Variants in MAPKAPK2 observed in about 807,000 individuals in gnomAD.
MAPKAPK2 encodes MAPK activated protein kinase 2.
A neutral mutation model predicts 48.8 loss-of-function variants in MAPKAPK2; 9 were observed. The observed-to-expected ratio is 0.18, with a 90% CI of 0.11 to 0.32. The LOEUF (loss-of-function observed/expected upper bound fraction) is 0.32. Ranked by LOEUF, MAPKAPK2 falls within the 10% of genes least tolerant of loss-of-function variation. The probability of loss-of-function intolerance (pLI) is 1.00; values close to 1 mark genes in which losing one functional copy is unlikely to be tolerated. For synonymous variants in MAPKAPK2, 202 were observed against 190.6 expected (o/e 1.06, Z -0.49); for missense variants, 331 against 498.3 (o/e 0.66, Z 3.20).
Position 206,732,834 on chromosome 1 carries a change from G to A in MAPKAPK2, c.*116G>A. 1 of 1,245,924 alleles carries A rather than the reference G, an allele frequency of 8.0e-7. No individual in the cohort carries two copies. Among genetic ancestry groups the A allele is most frequent in the Non-Finnish European group, 1.1e-6 (1 of 898,118 alleles). The allele number at this position is 1,245,924 out of a possible 1,614,324, so 77.2% of individuals were successfully genotyped here. A position where few individuals can be genotyped will look rare whatever the true frequency, so the allele number is the denominator to read the frequency against. On this transcript the variant is annotated 3_prime_UTR_variant, in exon 10 of 10. Transcript: ENST00000367103. This position sits in a 1 kb window ranked among gnomAD's most constrained non-coding sequence, Gnocchi z 4.4. ...GCCTCCTCTCCTCCTCAGCTGCATG[G>A]AGCCTGGAACTGCATCAGTGACTGA...
intron 1 of MAPKAPK2, among the ~76,000 whole-genome samples, chr1:206,722,377 C>CAA (rs528210438): frequency 4.0e-5 from 6 of 150,124 alleles, no homozygotes; most frequent in Admixed American, 4.0e-4. Context: ...AAAACAAAAA[C>CAA]AAAAAAAAAC....
chr1:206,715,078 T>C (rs1468416846), intron 1 of MAPKAPK2, among the ~76,000 whole-genome samples: 1 of 152,122 alleles, frequency 6.6e-6, no homozygotes, highest in Non-Finnish European at 1.5e-5. Context: ...TGATTGTAAG[T>C]TGGTTTATGG....
At chr1:206,730,357 A>G (rs1423638774) in intron 5 of MAPKAPK2, among the ~76,000 whole-genome samples, 2 of 152,216 alleles carry the variant, frequency 1.3e-5, no homozygotes, top group Admixed American at 6.5e-5. Context: ...GTCTGGACCC[A>G]GGTCTTGTTC....
intron 1 of MAPKAPK2, among the ~76,000 whole-genome samples, chr1:206,702,837 A>G (rs72755073): frequency 3.4e-4 from 51 of 152,102 alleles, no homozygotes; most frequent in Non-Finnish European, 5.6e-4. Context: ...TGGATCTTAC[A>G]TTTGCTTATC....
intron 1 of MAPKAPK2, among the ~76,000 whole-genome samples, chr1:206,697,999 G>T (rs139183504): frequency 6.6e-6 from 1 of 152,386 alleles, no homozygotes; most frequent in Non-Finnish European, 1.5e-5. Flanking sequence ...CACTGTTGTT[G>T]CATCCGCACT....
intron 1 of MAPKAPK2, among the ~76,000 whole-genome samples, chr1:206,686,411 A>G (rs1672290195): frequency 6.6e-6 from 1 of 152,240 alleles, no homozygotes; most frequent in Admixed American, 6.5e-5. Flanking sequence ...AAGTGAGAAT[A>G]TCGACTTCAG....
At chr1:206,725,217 A>G (rs1274225146) in intron 1 of MAPKAPK2, among the ~76,000 whole-genome samples, 1 of 152,224 alleles carries the variant, frequency 6.6e-6, no homozygotes, top group African/African-American at 2.4e-5. Flanking sequence ...CAGGGCAGAA[A>G]GTGCGGAAGT....
intron 1 of MAPKAPK2, among the ~76,000 whole-genome samples, chr1:206,698,593 A>G (rs1553427410): frequency 6.6e-6 from 1 of 152,226 alleles, no homozygotes; most frequent in East Asian, 1.9e-4. Flanking sequence ...GATTAATAAC[A>G]AGTCTTTATT....
intron 1 of MAPKAPK2, among the ~76,000 whole-genome samples, chr1:206,727,747 G>A (rs1156565636): frequency 6.6e-6 from 1 of 152,020 alleles, no homozygotes; most frequent in African/African-American, 2.4e-5. Flanking sequence ...TCAGCCTCCT[G>A]AGTAGCTGGG....
chr1:206,726,894 C>A (rs1331682383), intron 1 of MAPKAPK2, among the ~76,000 whole-genome samples: 1 of 152,212 alleles, frequency 6.6e-6, no homozygotes, highest in African/African-American at 2.4e-5. Flanking sequence ...CCATCATGGC[C>A]ATCTGATCTT....
rs58379967 is a variant in MAPKAPK2 at position 206,712,962 on chromosome 1, TCACACACA to T, written c.280-15712_280-15705del. ...GCCTGGGCGACAGAATGAGACTCCA[TCACACACA>T]CACACACACACACACACACACACAC... On this transcript the variant is annotated intron_variant, in intron 1 of 9. Coordinates refer to ENST00000367103, the MANE Select transcript of MAPKAPK2 (RefSeq NM_032960.4). Among the ~76,000 whole-genome samples, 87 of 112,300 alleles carry T rather than the reference TCACACACA, an allele frequency of 7.7e-4. 1 individual carries two copies. Among genetic ancestry groups the T allele is most frequent in the South Asian group, 7.3e-3 (22 of 2,994 alleles). The allele number at this position is 112,300 out of a possible 152,430, so 73.7% of individuals were successfully genotyped here. A position where few individuals can be genotyped will look rare whatever the true frequency, so the allele number is the denominator to read the frequency against.
chr1:206,728,037 C>A (rs11119390), intron 1 of MAPKAPK2, among the ~76,000 whole-genome samples: 5 of 152,032 alleles, frequency 3.3e-5, no homozygotes, highest in African/African-American at 4.8e-5. Flanking sequence ...GATTGAACCC[C>A]TGAGGCTGGT....
At chr1:206,729,932 G>A (rs782495549) in intron 4 of MAPKAPK2, 40 bp from the exon 5 acceptor site, 1 of 1,613,528 alleles carries the variant, frequency 6.2e-7, no homozygotes, top group African/African-American at 1.3e-5. Context: ...CCCCTCCCAG[G>A]TCCAGCAGGG....
chr1:206,722,869 A>G (rs1252099347), intron 1 of MAPKAPK2, among the ~76,000 whole-genome samples: 1 of 152,232 alleles, frequency 6.6e-6, no homozygotes, highest in Non-Finnish European at 1.5e-5. Context: ...CATGTGGTGC[A>G]GCAGAGGCGC....
Position 206,732,740 on chromosome 1 carries a change from C to G in MAPKAPK2, c.*22C>G. Reference sequence around the variant, plus strand: ...CTGAGCCACCGCGCCCTCCTGCCCACGGGAGGACAAGCAATAACTCTCTAC... The same window carrying G: ...CTGAGCCACCGCGCCCTCCTGCCCAGGGGAGGACAAGCAATAACTCTCTAC... On this transcript the variant is annotated 3_prime_UTR_variant, in exon 10 of 10. Coordinates refer to ENST00000367103, the MANE Select transcript of MAPKAPK2 (RefSeq NM_032960.4). The surrounding 1 kb of genome is among the most constrained non-coding windows in gnomAD (Gnocchi z 4.4). The G allele has an allele frequency of 3.1e-6, 5 of 1,613,188 alleles. No individual in the cohort carries two copies. The highest frequency in any genetic ancestry group is 8.5e-7 in the Non-Finnish European group (1 of 1,179,560).
chr1:206,707,145 CG>C (rs1672988113), intron 1 of MAPKAPK2, among the ~76,000 whole-genome samples: 1 of 152,066 alleles, frequency 6.6e-6, no homozygotes, highest in African/African-American at 2.4e-5. Flanking sequence ...TGGACCTAGA[CG>C]GGGTATCCTG....
At chr1:206,707,821 G>C (rs1673013738) in intron 1 of MAPKAPK2, among the ~76,000 whole-genome samples, 1 of 152,156 alleles carries the variant, frequency 6.6e-6, no homozygotes, top group African/African-American at 2.4e-5. Flanking sequence ...CTTGCACCCA[G>C]GTCCTTTCTT....
chr1:206,710,488 G>A (rs1191947319), intron 1 of MAPKAPK2, among the ~76,000 whole-genome samples: 2 of 152,200 alleles, frequency 1.3e-5, no homozygotes, highest in African/African-American at 2.4e-5. Flanking sequence ...GGTAATGCTG[G>A]TAGTGAATTT....
Position 206,732,169 on chromosome 1 carries a change from CT to C in MAPKAPK2, c.1059+252del. The C allele has an allele frequency of 6.2e-7, 1 of 1,603,618 alleles. No individual in the cohort carries two copies. The highest frequency in any genetic ancestry group is 1.1e-5 in the South Asian group (1 of 90,778). On this transcript the variant is annotated intron_variant, in intron 9 of 9. Transcript: ENST00000367103. The surrounding 1 kb of genome is among the most constrained non-coding windows in gnomAD (Gnocchi z 4.4). ...TTATTCCCTGGGTCTCTAATGGGAC[CT>C]TAAAGACCATCTGGTATCATCTTCT...
Sources: allele counts gnomAD v4.1 joint callset (sites outside exome capture counted in the v4.1 genomes callset), GRCh38; gene constraint gnomAD v4.1.1; non-coding constraint Gnocchi (gnomAD v3.1); transcripts MANE v1.5; gene names NCBI Gene and HGNC (gene_info 2026-07-23, HGNC 2026-07-21).